Variants in ABCC4 observed in about 807,000 individuals in gnomAD.
The protein encoded by ABCC4 is ATP binding cassette subfamily C member 4 (PEL blood group), also known as ATP-binding cassette sub-family C member 4.
A neutral mutation model predicts 168.5 loss-of-function variants in ABCC4; 102 were observed. The observed-to-expected ratio is 0.61, with a 90% CI of 0.52 to 0.71. ABCC4 has a LOEUF of 0.71. Ranked by LOEUF, ABCC4 falls within the 30% of genes least tolerant of loss-of-function variation. The probability of loss-of-function intolerance (pLI) is 0.00; values close to 1 mark genes in which losing one functional copy is unlikely to be tolerated. For missense variants in ABCC4, 1,402 were observed against 1,605.8 expected (o/e 0.87, Z 2.17); for synonymous variants, 617 against 590.7 (o/e 1.04, Z -0.65).
chr13:95,047,487 T>TTG (rs2032634464), intron 27 of ABCC4, among the ~76,000 whole-genome samples: 1 of 141,104 alleles, frequency 7.1e-6, no homozygotes, highest in South Asian at 2.4e-4. Flanking sequence ...TTTTTTTTTT[T>TTG]TTTTTTTTTT....
intron 19 of ABCC4, among the ~76,000 whole-genome samples, chr13:95,134,157 C>A (rs1436851354): frequency 6.6e-6 from 1 of 152,132 alleles, no homozygotes; most frequent in Non-Finnish European, 1.5e-5. Context: ...CATCCTAGCC[C>A]TCTGTGAGCT....
intron 4 of ABCC4, among the ~76,000 whole-genome samples, chr13:95,214,711 C>A (rs2039061072): frequency 6.6e-6 from 1 of 151,804 alleles, no homozygotes; most frequent in South Asian, 2.1e-4. Flanking sequence ...CATGGTGAGA[C>A]CCCGCCTCTA....
At chr13:95,284,299 A>G (rs1355426609) in intron 1 of ABCC4, among the ~76,000 whole-genome samples, 1 of 152,014 alleles carries the variant, frequency 6.6e-6, no homozygotes, top group African/African-American at 2.4e-5. Flanking sequence ...TGATCCTCCC[A>G]CCTCAGCCTT....
intron 22 of ABCC4, chr13:95,075,188 G>C (rs1484574957): frequency 4.0e-6 from 2 of 499,604 alleles, no homozygotes; most frequent in African/African-American, 3.9e-5. Context: ...CACAGGCCAT[G>C]CATGGTGAGA....
chr13:95,195,040 C>A, intron 8 of ABCC4, 103 bp from the exon 9 acceptor site: 1 of 860,518 alleles, frequency 1.2e-6, no homozygotes, highest in Non-Finnish European at 1.9e-6. Context: ...CTTTATACAG[C>A]CTACAGATCA....
At chr13:95,217,120 G>C (rs1258593899) in intron 4 of ABCC4, among the ~76,000 whole-genome samples, 1 of 152,162 alleles carries the variant, frequency 6.6e-6, no homozygotes, top group Non-Finnish European at 1.5e-5. Flanking sequence ...ACTGAAGGCA[G>C]GCAAGGAAAT....
intron 21 of ABCC4, among the ~76,000 whole-genome samples, chr13:95,081,345 C>T (rs1258823654): frequency 6.6e-6 from 1 of 152,172 alleles, no homozygotes; most frequent in African/African-American, 2.4e-5. Context: ...GGAACGGCTG[C>T]TTCCTTCAAC....
At chr13:95,300,002 C>T (rs2041633812) in intron 1 of ABCC4, among the ~76,000 whole-genome samples, 4 of 152,140 alleles carry the variant, frequency 2.6e-5, no homozygotes, top group Admixed American at 2.6e-4. Flanking sequence ...CCACCACACC[C>T]GGCTAATTTT....
rs1056846611 is a variant in ABCC4 at position 95,166,180 on chromosome 13, T to A, written c.2012A>T (p.Asp671Val). 1.2e-6 allele frequency: 2 copies of A among 1,614,116 alleles called. No homozygotes were observed. Among genetic ancestry groups the A allele is most frequent in the Non-Finnish European group, 1.7e-6 (2 of 1,179,982 alleles). ...SQQSSRPSLK[D>V]GALESQDTEN... ...CACATCTTGGCTCTCCAGAGCACCA[T>A]CTTTCAAGGAGGGTCTAGAAGATTG... The change falls in exon 15 of 31, where the codon GAT becomes GTT. Residue 671 changes from aspartate (D) to valine (V), a missense_variant. By Grantham distance (152) the Asp-to-Val change is radical. Around this residue, in one of 3 missense-constraint regions of ABCC4, gnomAD observed 1,007 missense variants for 1,127.3 expected, o/e 0.89. Coordinates refer to ENST00000645237, the MANE Select transcript of ABCC4 (RefSeq NM_005845.5).
At chr13:95,058,594 A>AAAAAAAAAAAAAAAAAAAAAAAAAAAG (rs2033163283) in intron 26 of ABCC4, among the ~76,000 whole-genome samples, 3 of 41,440 alleles carry the variant, frequency 7.2e-5, no homozygotes, top group African/African-American at 9.9e-5. Context: ...AAAAAAAAAG[A>AAAAAAAAAAAAAAAAAAAAAAAAAAAG]AAAGAAAAAG....
At chr13:95,079,794 C>T (rs2034029270) in intron 21 of ABCC4, among the ~76,000 whole-genome samples, 1 of 152,018 alleles carries the variant, frequency 6.6e-6, no homozygotes, top group Non-Finnish European at 1.5e-5. Context: ...AAGATCACGG[C>T]CACTGCACTC....
intron 27 of ABCC4, among the ~76,000 whole-genome samples, chr13:95,049,465 C>A (rs1370521006): frequency 1.3e-5 from 2 of 151,962 alleles, no homozygotes; most frequent in African/African-American, 2.4e-5. Flanking sequence ...CATGGTGAAA[C>A]CCCGTCTCTA....
At chr13:95,258,674 G>A (rs145643519) in intron 1 of ABCC4, among the ~76,000 whole-genome samples, 1 of 152,096 alleles carries the variant, frequency 6.6e-6, no homozygotes, top group Non-Finnish European at 1.5e-5. Flanking sequence ...AAACTGCGGG[G>A]TGAACGAGTG....
At chr13:95,101,521 T>C (rs1467382281) in intron 20 of ABCC4, among the ~76,000 whole-genome samples, 1 of 152,210 alleles carries the variant, frequency 6.6e-6, no homozygotes, top group Non-Finnish European at 1.5e-5. Flanking sequence ...ATCCAACCTC[T>C]GCATCTTATC....
At chr13:95,218,983 A>AAGAAAGAAAAAAAGAG (rs1566539902) in intron 4 of ABCC4, among the ~76,000 whole-genome samples, 5 of 11,016 alleles carry the variant, frequency 4.5e-4, no homozygotes, top group African/African-American at 8.8e-4. Context: ...GAAAGAAAGA[A>AAGAAAGAAAAAAAGAG]AGAGTGAGAA....
intron 4 of ABCC4, among the ~76,000 whole-genome samples, chr13:95,224,838 A>T (rs2039410589): frequency 6.6e-6 from 1 of 152,202 alleles, no homozygotes; most frequent in African/African-American, 2.4e-5. Flanking sequence ...AATGAAGAGC[A>T]CCAGAAATAG....
At chr13:95,070,157 T>C (rs1276137486) in intron 25 of ABCC4, among the ~76,000 whole-genome samples, 2 of 151,976 alleles carry the variant, frequency 1.3e-5, no homozygotes, top group Non-Finnish European at 2.9e-5. Context: ...AGCAGGAAAA[T>C]CGCTTGAACC....
At chr13:95,239,223 A>G (rs1258442720) in intron 3 of ABCC4, among the ~76,000 whole-genome samples, 3 of 152,154 alleles carry the variant, frequency 2.0e-5, no homozygotes, top group African/African-American at 4.8e-5. Context: ...TAGTGTTGAT[A>G]CTGTAAGATA....
At chr13:95,087,833 G>A (rs72642379) in intron 20 of ABCC4, among the ~76,000 whole-genome samples, 2 of 152,222 alleles carry the variant, frequency 1.3e-5, no homozygotes, top group Non-Finnish European at 2.9e-5. Flanking sequence ...GGTCCCACCT[G>A]GGGAGATCTC....
Sources: gnomAD v4.1 joint callset for allele counts (sites outside exome capture counted in the v4.1 genomes callset) on GRCh38, gnomAD v4.1.1 for gene constraint, gnomAD v4.1.1 regional missense constraint, MANE v1.5 for transcripts, NCBI Gene and HGNC (gene_info 2026-07-23, HGNC 2026-07-21) for gene names.